ZNF320: variants seen among roughly 807,000 people sequenced by gnomAD.
The protein encoded by ZNF320 is zinc finger protein 320, also known as zinc finger gene 320.
A neutral mutation model predicts 6.8 loss-of-function variants in ZNF320; 2 were observed. The ratio of observed to expected loss-of-function variants is 0.29; its 90% CI spans 0.12 to 0.93. ZNF320 has a LOEUF of 0.93. Ranked by LOEUF, ZNF320 falls within the 40% of genes least tolerant of loss-of-function variation. ZNF320 has a pLI of 0.55. For missense variants in ZNF320, 472 were observed against 611.0 expected (o/e 0.77, Z 2.40); for synonymous variants, 208 against 203.2 (o/e 1.02, Z -0.20).
chr19:52,875,676 G>C (rs1028650557), downstream of ZNF320, among the ~76,000 whole-genome samples: 4 of 151,976 alleles, frequency 2.6e-5, no homozygotes, highest in Non-Finnish European at 4.4e-5. Flanking sequence ...AGCCATTTGA[G>C]GGGCTGACTG....
At chr19:52,874,355 G>A (rs2063730187), downstream of ZNF320, 1 of 153,836 alleles carries the variant, frequency 6.5e-6, no homozygotes, top group African/African-American at 2.4e-5. Context: ...CCCATGCAGA[G>A]CACAGCCCCC....
chr19:52,876,247 G>A lies in ZNF320; in HGVS notation c.*4349C>T, dbSNP rs971574580. 6.6e-6 allele frequency: 1 copy of A among 152,068 alleles called. No homozygotes were observed. The highest frequency in any genetic ancestry group is 1.5e-5 in the Non-Finnish European group (1 of 68,004). 9.4% of individuals were successfully genotyped at this position (152,068 alleles called of 1,614,324 possible). On this transcript the variant is annotated 3_prime_UTR_variant, in exon 6 of 6. Transcript: ENST00000682928. ...TTGATATCTTTATCAAGTACACATC[G>A]AAACAACCTAAAATCATTTATCAGG...
rs1286615452 is a variant in ZNF320 at position 52,865,884 on chromosome 19, TAC to T, written c.224-1727_224-1726del. 8.0e-5 allele frequency among the ~76,000 whole-genome samples: 10 copies of T among 125,584 alleles called. No homozygotes were observed. The East Asian group carries it at 2.3e-3, about 28-fold the overall frequency. The allele number at this position is 125,584 out of a possible 152,430, so 82.4% of individuals were successfully genotyped here. ...ATTATACATATATATTTATATATTA[TAC>T]ATATATTTATATATATGATTATACA... On this transcript the variant is annotated intron_variant, in intron 5 of 5. Transcript: ENST00000673631.
chr19:52,865,434 T>TTTTATATATATATATATATATATATA (rs368584132), intron 5 of ZNF320: 1 of 152,784 alleles, frequency 6.5e-6, no homozygotes, highest in African/African-American at 3.2e-5. Context: ...GGTCCAGGCT[T>TTTTATATATATATATATATATATATA]TATATATATA....
chr19:52,904,030 C>G, the ZNF320 span, among the ~76,000 whole-genome samples: 40 of 152,306 alleles, frequency 2.6e-4, no homozygotes, highest in African/African-American at 9.4e-4. Context: ...ACAAAAGTGC[C>G]AATACAGGCA....
chr19:52,894,640 G>A lies in ZNF320; in HGVS notation c.-269-784C>T, dbSNP rs543521079. ...TGTAATCCTAGCACTTTGGGAGGCCGAGGCAGGTGGATCACGAGCTCAGGA... is the reference window on the plus strand; with the variant it reads ...TGTAATCCTAGCACTTTGGGAGGCCAAGGCAGGTGGATCACGAGCTCAGGA... On this transcript the variant is annotated intron_variant, in intron 1 of 5. Transcript: ENST00000682928. 3.9e-5 allele frequency among the ~76,000 whole-genome samples: 6 copies of A among 152,238 alleles called. No homozygotes were observed. In the East Asian group the frequency reaches 5.8e-4, roughly 15 times the overall value.
the ZNF320 span, among the ~76,000 whole-genome samples, chr19:52,903,247 C>T: frequency 1.3e-5 from 2 of 152,200 alleles, no homozygotes; most frequent in Non-Finnish European, 2.9e-5. Flanking sequence ...TTTTAGCAAA[C>T]TTCACTTTTG....
Position 52,868,695 on chromosome 19 carries a change from C to A in ZNF320, c.224-4536G>T, listed in dbSNP as rs369963789. On this transcript the variant is annotated intron_variant, in intron 5 of 5. Coordinates refer to the ZNF320 transcript ENST00000673631. ...AGCAAAATAGTCCACCAAGAAAGTA[C>A]AGAAAACAACCAGTCACAAAAAATG... 2.3e-3 allele frequency among the ~76,000 whole-genome samples: 357 copies of A among 152,060 alleles called. 1 individual carries two copies. Among genetic ancestry groups the A allele is most frequent in the African/African-American group, 7.4e-3 (305 of 41,488 alleles).
rs8100141 is a variant in ZNF320 at position 52,887,948 on chromosome 19, C to T, written c.142+179G>A. Among the ~76,000 whole-genome samples the T allele has an allele frequency of 4.3e-3, 650 of 152,226 alleles. 6 individuals are homozygous for T. Among genetic ancestry groups the T allele is most frequent in the African/African-American group, 0.015 (621 of 41,548 alleles). On this transcript the variant is annotated intron_variant, in intron 5 of 5. Transcript: ENST00000682928. ...CCACATTGAGGTATCATGAAGAACG[C>T]AGAACATCTAAACAAAGGGGACAGT...
intron 2 of ZNF320, among the ~76,000 whole-genome samples, chr19:52,892,956 G>C (rs1055288517): frequency 1.4e-4 from 21 of 151,598 alleles, no homozygotes; most frequent in Admixed American, 2.0e-4. Flanking sequence ...TGTACATCTA[G>C]CTTTTCTCTA....
At chr19:52,870,457 A>G (rs1489272140) in intron 5 of ZNF320, among the ~76,000 whole-genome samples, 3 of 147,122 alleles carry the variant, frequency 2.0e-5, no homozygotes, top group African/African-American at 7.6e-5. Context: ...CAGCCTGGGC[A>G]ACAGAGCCAG....
At position 52,880,567 on chromosome 19, in the gene ZNF320, C is replaced by A; in HGVS notation, c.*29G>T. 6.4e-7 allele frequency: 1 copy of A among 1,559,404 alleles called. No individual in the cohort carries two copies. On this transcript the variant is annotated 3_prime_UTR_variant, in exon 6 of 6. Transcript: ENST00000682928. ...GAAATCAATGTTAAGTCAACTCAAA[C>A]TCAGGTCAATGCTGATTTGACTCTG...
downstream of ZNF320, chr19:52,874,145 C>CAG (rs1425468122): frequency 8.8e-6 from 2 of 226,884 alleles, no homozygotes; most frequent in African/African-American, 2.3e-5. Flanking sequence ...AACACACACA[C>CAG]GGGAGATCTC....
intron 5 of ZNF320, among the ~76,000 whole-genome samples, chr19:52,884,797 A>T (rs2064025107): frequency 1.3e-5 from 2 of 152,202 alleles, no homozygotes; most frequent in South Asian, 2.1e-4. Flanking sequence ...AAGGAACAGG[A>T]GCATCTCATC....
Position 52,881,746 on chromosome 19 carries a change from T to C in ZNF320, c.380A>G (p.Asp127Gly). 6.2e-7 allele frequency: 1 copy of C among 1,614,020 alleles called. No homozygotes were observed. The highest frequency in any genetic ancestry group is 1.1e-5 in the South Asian group (1 of 91,080). The change falls in exon 6 of 6, where the codon GAT becomes GGT. Residue 127 changes from aspartate (D) to glycine (G), a missense_variant. Physicochemically the swap from Asp to Gly is moderately conservative, Grantham distance 94. Coordinates refer to ENST00000682928, the MANE Select transcript of ZNF320 (RefSeq NM_001351774.2). ...AGGCTTGTTTCCAGCATGCCTTTGA[T>C]CATATCGGTCTGTACTACTAGTCAA... is the stretch of plus-strand genomic sequence containing the variant. ...KKLTSSTDRYDQRHAGNKPIK... is the reference protein window; with the variant it reads ...KKLTSSTDRYGQRHAGNKPIK...
chr19:52,870,512 C>G (rs2063661857), intron 5 of ZNF320, among the ~76,000 whole-genome samples: 1 of 146,122 alleles, frequency 6.8e-6, no homozygotes, highest in Non-Finnish European at 1.5e-5. Context: ...TACTTAAGAT[C>G]ATTACAATTA....
chr19:52,900,701 A>G (rs1168469311), upstream of ZNF320, among the ~76,000 whole-genome samples: 1 of 145,746 alleles, frequency 6.9e-6, no homozygotes, highest in Admixed American at 7.6e-5. Flanking sequence ...ATCAATGCTT[A>G]ATTTACATTT....
chr19:52,868,504 C>CA (rs879448381), intron 5 of ZNF320, among the ~76,000 whole-genome samples: 3,937 of 127,606 alleles, frequency 0.031, 158 homozygotes, highest in African/African-American at 0.095. Context: ...GAAACTCTGT[C>CA]AAAAAAAAAA....
chr19:52,876,107 GGAAAGCTTATTTAGCAGC>G (rs1293800018), downstream of ZNF320: 7 of 152,094 alleles, frequency 4.6e-5, no homozygotes, highest in Non-Finnish European at 7.4e-5. Context: ...GAACTTGAGG[GGAAAGCTTATTTAGCAGC>G]TCACAGCTCA....
Sources: gnomAD v4.1 joint callset for allele counts (sites outside exome capture counted in the v4.1 genomes callset) on GRCh38, gnomAD v4.1.1 for gene constraint, MANE v1.5 for transcripts, NCBI Gene and HGNC (gene_info 2026-07-23, HGNC 2026-07-21) for gene names.